CCNG2: variants seen among roughly 807,000 people sequenced by gnomAD.
CCNG2 encodes the protein cyclin-G2.
In CCNG2, 20 loss-of-function variants were observed where a neutral mutation model predicts 36.5. The ratio of observed to expected loss-of-function variants is 0.55; its 90% CI spans 0.39 to 0.80. The LOEUF is 0.80. Ranked by LOEUF, CCNG2 falls within the 30% of genes least tolerant of loss-of-function variation. The probability of loss-of-function intolerance (pLI) is 0.00; values close to 1 mark genes in which losing one functional copy is unlikely to be tolerated. For synonymous variants in CCNG2, 155 were observed against 140.1 expected, an observed-to-expected ratio of 1.11 and a Z score of -0.75; for missense variants, 358 against 390.8, an observed-to-expected ratio of 0.92 and a Z score of 0.71.
chr4:77,161,133 G>A (rs985604634), intron 4 of CCNG2, among the ~76,000 whole-genome samples, 162 bp downstream of exon 4: 5 of 102,436 alleles, frequency 4.9e-5, no homozygotes, highest in Admixed American at 2.8e-4. Flanking sequence ...AAGGAATTTC[G>A]CTCTTGTTGC....
chr4:77,158,418 T>C, intron 1 of CCNG2, 115 bp from the exon 2 acceptor site: 2 of 1,005,194 alleles, frequency 2.0e-6, no homozygotes, highest in Non-Finnish European at 3.1e-6. Context: ...CACCCGCTCC[T>C]TGTCGGGGTG....
At position 77,161,843 on chromosome 4, in the gene CCNG2, T is replaced by C. The variant is rs573698745; in HGVS notation, c.705+96T>C. 27 of 723,762 alleles carry C rather than the reference T, an allele frequency of 3.7e-5. No individual in the cohort carries two copies. The East Asian group carries it at 6.9e-4, about 19-fold the overall frequency. 44.8% of individuals were successfully genotyped at this position (723,762 alleles called of 1,614,324 possible). Reference sequence around the variant, plus strand: ...CATTAAGTAATACTTTATGGGACTCTTAACTTTTACACTTGTTTTTTTTCT... The same window carrying C: ...CATTAAGTAATACTTTATGGGACTCCTAACTTTTACACTTGTTTTTTTTCT... On this transcript the variant is annotated intron_variant, in intron 6 of 7. Transcript: ENST00000316355.
In CCNG2 at chr4:77,166,626, T is replaced by G. The variant is rs1731640771; in HGVS notation, c.*702T>G. On this transcript the variant is annotated 3_prime_UTR_variant, in exon 8 of 8. Coordinates refer to ENST00000316355, the MANE Select transcript of CCNG2 (RefSeq NM_004354.3). ...AACTATGGTATTATTTTAATGTTAC[T>G]TTAAAAATCCATAATCTGCTAGTTT... 1 of 152,220 alleles carries G rather than the reference T, an allele frequency of 6.6e-6. No homozygotes were observed. Among genetic ancestry groups the G allele is most frequent in the Non-Finnish European group, 1.5e-5 (1 of 68,036 alleles). The allele number at this position is 152,220 out of a possible 1,614,324, so 9.4% of individuals were successfully genotyped here. A position where few individuals can be genotyped will look rare whatever the true frequency, so the allele number is the denominator to read the frequency against.
At chr4:77,164,990 G>C (rs953890374) in intron 7 of CCNG2, 1 of 152,472 alleles carries the variant, frequency 6.6e-6, no homozygotes. Flanking sequence ...GTGGTGAAGA[G>C]ATTGAGGGGT....
Position 77,159,346 on chromosome 4 carries a change from G to T in CCNG2, c.139-21G>T, listed in dbSNP as rs200400413. On this transcript the variant is annotated intron_variant, in intron 2 of 7. Transcript: ENST00000316355. ...TGGTTCTAAGAAAATTGTAAACCTTGGTTCTTGGTTTTTATTGCAGAATGA... is the reference window on the plus strand; with the variant it reads ...TGGTTCTAAGAAAATTGTAAACCTTTGTTCTTGGTTTTTATTGCAGAATGA... The T allele has an allele frequency of 4.5e-5, 72 of 1,593,766 alleles. 1 individual carries two copies. Among genetic ancestry groups the T allele is most frequent in the South Asian group, 4.3e-4 (38 of 87,764 alleles).
At position 77,168,912 on chromosome 4, in the gene CCNG2, T is replaced by C. The variant is rs1300345087; in HGVS notation, c.*2988T>C. ...GTTGACTTGGCGAGAGATTTGACCT[T>C]TCAGGTTTTGATCCTGTCATTTTCT... On this transcript the variant is annotated 3_prime_UTR_variant, in exon 8 of 8. Coordinates refer to ENST00000316355, the MANE Select transcript of CCNG2 (RefSeq NM_004354.3). 6.6e-6 allele frequency: 1 copy of C among 152,274 alleles called. No homozygotes were observed. The highest frequency in any genetic ancestry group is 1.9e-4 in the East Asian group (1 of 5,192). The allele number at this position is 152,274 out of a possible 1,614,324, so 9.4% of individuals were successfully genotyped here. A position where few individuals can be genotyped will look rare whatever the true frequency, so the allele number is the denominator to read the frequency against.
chr4:77,164,607 C>A (rs1476428554), intron 7 of CCNG2, 128 bp downstream of exon 7: 2 of 632,020 alleles, frequency 3.2e-6, no homozygotes, highest in South Asian at 2.3e-5. Context: ...AGAATTAAAG[C>A]CCCCACTCTT....
rs773333495 is a variant in CCNG2 at position 77,160,712 on chromosome 4, T to G, written c.277-9T>G. 1 of 1,604,692 alleles carries G rather than the reference T, an allele frequency of 6.2e-7. No individual in the cohort carries two copies. The highest frequency in any genetic ancestry group is 1.7e-4 in the Middle Eastern group (1 of 5,996). On this transcript the variant is annotated splice_polypyrimidine_tract_variant and intron_variant, in intron 3 of 7. Coordinates refer to ENST00000316355, the MANE Select transcript of CCNG2 (RefSeq NM_004354.3). ...AGTTGTTAAAAGAAGCCTCTTGTTT[T>G]TTTCTCAGGTGAAACCTAAACATTT... is the stretch of plus-strand genomic sequence containing the variant.
rs1240501595 is a variant in CCNG2 at position 77,168,521 on chromosome 4, C to T, written c.*2597C>T. On this transcript the variant is annotated 3_prime_UTR_variant, in exon 8 of 8. Coordinates refer to ENST00000316355, the MANE Select transcript of CCNG2 (RefSeq NM_004354.3). The stretch of plus-strand genomic sequence containing the variant: ...GTCTCTGTCTAATCTGAACACTGCA[C>T]CTGTCTCTGGCCTTTTTTTCTTGTC... 1 of 152,174 alleles carries T rather than the reference C, an allele frequency of 6.6e-6. No homozygotes were observed. Among genetic ancestry groups the T allele is most frequent in the African/African-American group, 2.4e-5 (1 of 41,420 alleles). The allele number at this position is 152,174 out of a possible 1,614,324, so 9.4% of individuals were successfully genotyped here.
chr4:77,164,643 G>T, intron 7 of CCNG2, 164 bp downstream of exon 7: 1 of 557,884 alleles, frequency 1.8e-6, no homozygotes, highest in Non-Finnish European at 3.2e-6. Flanking sequence ...ACCAGAAGTA[G>T]TATTTTAATA....
At chr4:77,160,456 G>A (rs1009787285) in intron 3 of CCNG2, among the ~76,000 whole-genome samples, 1 of 144,674 alleles carries the variant, frequency 6.9e-6, no homozygotes, top group African/African-American at 2.6e-5. Context: ...CTGGCCTCAA[G>A]CAGTCCTCCC....
chr4:77,164,744 A>G, intron 7 of CCNG2: 1 of 294,086 alleles, frequency 3.4e-6, no homozygotes, highest in Non-Finnish European at 6.4e-6. Context: ...GATGTTGCCC[A>G]GGGCTGGTCT....
Position 77,164,291 on chromosome 4 carries a change from C to G in CCNG2, c.723C>G (p.Phe241Leu), listed in dbSNP as rs764480461. The G allele has an allele frequency of 6.2e-7, 1 of 1,613,218 alleles. No homozygotes were observed. The highest frequency in any genetic ancestry group is 1.3e-5 in the African/African-American group (1 of 74,924). The change falls in exon 7 of 8, where the codon TTC (phenylalanine) becomes TTG (leucine). Residue 241 changes from phenylalanine to leucine, a missense_variant. Transcript: ENST00000316355. ...TTTTTCAGATTAATGACACTGAGTT[C>G]TTCTACTGGAGAGAGTTGGTTTCTA... is the stretch of plus-strand genomic sequence containing the variant. ...KKHSKINDTE[F>L]FYWRELVSKC...
intron 2 of CCNG2, 82 bp from the exon 3 acceptor site, chr4:77,159,281 AAATT>A: frequency 1.5e-6 from 2 of 1,303,450 alleles, no homozygotes; most frequent in South Asian, 1.4e-5. Flanking sequence ...TCTTGGGAAA[AAATT>A]AACCTTATTC....
chr4:77,160,939 C>T lies in CCNG2; in HGVS notation c.495C>T (p.Tyr165=), dbSNP rs1731418090. 3 of 1,606,058 alleles carry T rather than the reference C, an allele frequency of 1.9e-6. No individual in the cohort carries two copies. The highest frequency in any genetic ancestry group is 1.3e-5 in the African/African-American group (1 of 74,812). The change falls in exon 4 of 8, where the codon TAC becomes TAT. Residue 165 remains tyrosine, a synonymous_variant. Transcript: ENST00000316355. ...ATTALNFLHL[Y]HTIILCHTSE... ...CTGCCTTAAACTTTTTGCACTTATACCATACTATTATACTTTGTCATACTT... is the reference window on the plus strand; with the variant it reads ...CTGCCTTAAACTTTTTGCACTTATATCATACTATTATACTTTGTCATACTT...
At chr4:77,162,402 T>TTTG (rs1491141096) in intron 6 of CCNG2, among the ~76,000 whole-genome samples, 4 of 104,056 alleles carry the variant, frequency 3.8e-5, no homozygotes, top group African/African-American at 1.6e-4. Context: ...TTTTTTTTTT[T>TTTG]GAGACAGTCT....
At chr4:77,160,491 A>G (rs1020891288) in intron 3 of CCNG2, among the ~76,000 whole-genome samples, 4 of 142,040 alleles carry the variant, frequency 2.8e-5, no homozygotes, top group African/African-American at 1.1e-4. Flanking sequence ...AAGTCCTGGG[A>G]TTACAGGCAT....
Position 77,158,652 on chromosome 4 carries a change from G to A in CCNG2, c.120G>A (p.Leu40=). 2 of 1,614,166 alleles carry A rather than the reference G, an allele frequency of 1.2e-6. No homozygotes were observed. The highest frequency in any genetic ancestry group is 1.7e-6 in the Non-Finnish European group (2 of 1,180,026). ...RFQPREKGLS[L]IEATPENDNT... is the part of the protein sequence containing the mutation. Reference sequence around the variant, plus strand: ...AACCTCGAGAAAAAGGGCTGAGTTTGATTGAGGCTACCCCGGAGGTAAGTT... The same window carrying A: ...AACCTCGAGAAAAAGGGCTGAGTTTAATTGAGGCTACCCCGGAGGTAAGTT... Residue 40 remains leucine (L), a synonymous_variant, in exon 2 of 8, where the codon TTG becomes TTA. Coordinates refer to ENST00000316355, the MANE Select transcript of CCNG2 (RefSeq NM_004354.3).
chr4:77,162,690 G>A (rs763245186), intron 6 of CCNG2, among the ~76,000 whole-genome samples: 1 of 151,924 alleles, frequency 6.6e-6, no homozygotes, highest in Non-Finnish European at 1.5e-5. Context: ...GGCTTACTTT[G>A]GGTTTTTTTT....
Sources: allele counts gnomAD v4.1 joint callset (sites outside exome capture counted in the v4.1 genomes callset), GRCh38; gene constraint gnomAD v4.1.1; transcripts MANE v1.5; gene names NCBI Gene and HGNC (gene_info 2026-07-23, HGNC 2026-07-21).